The following PCSK2 variants were observed in gnomAD, a reference collection of about 807,000 sequenced individuals.
PCSK2 encodes the protein neuroendocrine convertase 2.
PCSK2 carries 14 observed loss-of-function variants against 69.7 expected under a neutral mutation model. The observed-to-expected ratio is 0.20, with a 90% CI of 0.13 to 0.31. The LOEUF (loss-of-function observed/expected upper bound fraction) is 0.31. PCSK2 is among the 10% of genes least tolerant of loss of function. The pLI, the probability that PCSK2 is intolerant of heterozygous loss-of-function variation, is 1.00. For synonymous variants in PCSK2, 307 were observed against 320.7 expected (o/e 0.96, Z 0.46); for missense variants, 544 against 842.5 (o/e 0.65, Z 4.39).
intron 4 of PCSK2, among the ~76,000 whole-genome samples, chr20:17,366,100 G>A (rs1406227799): frequency 1.3e-5 from 2 of 152,210 alleles, no homozygotes; most frequent in Non-Finnish European, 2.9e-5. Context: ...GGGCCCCGAG[G>A]CTCTAGGGTT....
intron 5 of PCSK2, among the ~76,000 whole-genome samples, chr20:17,403,450 G>A (rs1568634986): frequency 6.6e-6 from 1 of 152,206 alleles, no homozygotes; most frequent in African/African-American, 2.4e-5. Flanking sequence ...ACGCAAGTAG[G>A]CGCAATAGCA....
At chr20:17,431,735 CT>C (rs1245045714) in intron 7 of PCSK2, among the ~76,000 whole-genome samples, 1 of 152,178 alleles carries the variant, frequency 6.6e-6, no homozygotes, top group Non-Finnish European at 1.5e-5. Context: ...AGCATGAATT[CT>C]TGAGGAAGCA....
intron 8 of PCSK2, among the ~76,000 whole-genome samples, chr20:17,441,746 T>C (rs1335442232): frequency 6.6e-6 from 1 of 152,028 alleles, no homozygotes; most frequent in Non-Finnish European, 1.5e-5. Context: ...GCCCCCATGA[T>C]TCAGTTACCT....
intron 4 of PCSK2, among the ~76,000 whole-genome samples, chr20:17,365,782 G>A (rs897771419): frequency 6.6e-6 from 1 of 152,192 alleles, no homozygotes; most frequent in Non-Finnish European, 1.5e-5. Context: ...AATCCAAAAA[G>A]GCAAACAAAT....
At chr20:17,439,160 G>T (rs1271171129) in intron 8 of PCSK2, among the ~76,000 whole-genome samples, 1 of 151,634 alleles carries the variant, frequency 6.6e-6, no homozygotes, top group Non-Finnish European at 1.5e-5. Flanking sequence ...TTTTGAGATA[G>T]GGTCTCACTG....
chr20:17,254,231 T>G (rs1347329068), intron 1 of PCSK2, among the ~76,000 whole-genome samples: 1 of 152,200 alleles, frequency 6.6e-6, no homozygotes, highest in African/African-American at 2.4e-5. Flanking sequence ...CAATTTATGT[T>G]CTTACACTTT....
rs947833693 is a variant in PCSK2 at position 17,392,053 on chromosome 20, C to T, written c.544-17210C>T. Among the ~76,000 whole-genome samples, 3 of 152,260 alleles carry T rather than the reference C, an allele frequency of 2.0e-5. No homozygotes were observed. In the East Asian group the frequency reaches 5.8e-4, roughly 29 times the overall value. The stretch of plus-strand genomic sequence containing the variant: ...CCTGTCAAGGAGTCCCAAATATCCC[C>T]TGTCTCATGTAGCTCATCCTTCAGG... On this transcript the variant is annotated intron_variant, in intron 5 of 11. Transcript: ENST00000262545.
Position 17,330,882 on chromosome 20 carries a change from G to A in PCSK2, c.283-27445G>A, listed in dbSNP as rs1990189197. 2.0e-5 allele frequency among the ~76,000 whole-genome samples: 3 copies of A among 152,072 alleles called. No individual in the cohort carries two copies. The South Asian group carries it at 6.2e-4, about 32-fold the overall frequency. ...ACATCTTCCTACTCCAGCTTCCAAA[G>A]GCAGGAAGCAGAAGCATAGCTGAGA... On this transcript the variant is annotated intron_variant, in intron 2 of 11. Coordinates refer to ENST00000262545, the MANE Select transcript of PCSK2 (RefSeq NM_002594.5).
intron 1 of PCSK2, among the ~76,000 whole-genome samples, chr20:17,255,174 C>T (rs1987129335): frequency 6.6e-6 from 1 of 152,154 alleles, no homozygotes; most frequent in Admixed American, 6.5e-5. Context: ...TGCCTGATGG[C>T]ATTAGCTAAA....
chr20:17,330,465 G>A (rs1283589093), intron 2 of PCSK2, among the ~76,000 whole-genome samples: 9 of 151,894 alleles, frequency 5.9e-5, no homozygotes, highest in South Asian at 4.2e-4. Flanking sequence ...ATGGTGGCGC[G>A]TGTCTTTAAT....
At chr20:17,449,988 T>G (rs902023881) in intron 8 of PCSK2, among the ~76,000 whole-genome samples, 1 of 151,282 alleles carries the variant, frequency 6.6e-6, no homozygotes, top group Non-Finnish European at 1.5e-5. Flanking sequence ...CCTTAGCTTT[T>G]TTTTTTTTAA....
intron 2 of PCSK2, among the ~76,000 whole-genome samples, chr20:17,284,657 G>A (rs1401408675): frequency 6.6e-6 from 1 of 152,182 alleles, no homozygotes; most frequent in Admixed American, 6.5e-5. Context: ...TACTAGGTTT[G>A]TTGCCCGATG....
chr20:17,243,872 A>G (rs1986676112), intron 1 of PCSK2, among the ~76,000 whole-genome samples: 1 of 151,968 alleles, frequency 6.6e-6, no homozygotes, highest in Non-Finnish European at 1.5e-5. Context: ...AAAGACAGAT[A>G]GACTAAGAAA....
intron 2 of PCSK2, among the ~76,000 whole-genome samples, chr20:17,309,331 C>G (rs1461276975): frequency 6.6e-6 from 1 of 152,200 alleles, no homozygotes; most frequent in Non-Finnish European, 1.5e-5. Flanking sequence ...ATGCAATCTT[C>G]TCATCCTTAC....
intron 2 of PCSK2, among the ~76,000 whole-genome samples, chr20:17,344,997 T>C (rs1990612215): frequency 1.3e-5 from 2 of 152,226 alleles, no homozygotes; most frequent in Non-Finnish European, 2.9e-5. Flanking sequence ...GCCTAATTAA[T>C]GACTTCATGC....
intron 1 of PCSK2, among the ~76,000 whole-genome samples, chr20:17,255,147 C>T (rs1210877724): frequency 6.6e-6 from 1 of 152,140 alleles, no homozygotes; most frequent in Admixed American, 6.6e-5. Flanking sequence ...AATCTTGATG[C>T]CTTTATTTCT....
intron 2 of PCSK2, among the ~76,000 whole-genome samples, chr20:17,302,914 T>G (rs1989134144): frequency 6.6e-6 from 1 of 152,124 alleles, no homozygotes; most frequent in Non-Finnish European, 1.5e-5. Flanking sequence ...GGAGATATAT[T>G]TAATATTACC....
At chr20:17,244,351 T>G (rs1986694510) in intron 1 of PCSK2, among the ~76,000 whole-genome samples, 1 of 152,246 alleles carries the variant, frequency 6.6e-6, no homozygotes, top group Admixed American at 6.5e-5. Context: ...GAAATAGAGC[T>G]GGGTTAAACT....
chr20:17,410,780 A>G (rs2031854283), intron 6 of PCSK2, among the ~76,000 whole-genome samples: 2 of 152,244 alleles, frequency 1.3e-5, no homozygotes, highest in South Asian at 4.1e-4. Context: ...AATGTGTGCC[A>G]TTAAGCTGGG....
Sources: gnomAD v4.1 joint callset for allele counts (sites outside exome capture counted in the v4.1 genomes callset) on GRCh38, gnomAD v4.1.1 for gene constraint, MANE v1.5 for transcripts, NCBI Gene and HGNC (gene_info 2026-07-23, HGNC 2026-07-21) for gene names.